NIPBL: variants seen among roughly 807,000 people sequenced by gnomAD.
NIPBL encodes NIPBL cohesin loading factor, also known as nipped-B-like protein.
Under a neutral mutation model 321.8 loss-of-function variants are expected in NIPBL, and 19 were observed. The ratio of observed to expected loss-of-function variants is 0.06; its 90% CI spans 0.04 to 0.09. NIPBL has a LOEUF of 0.09. Among genes scored for constraint, NIPBL ranks in the 10% least tolerant of loss-of-function variants. The pLI is 1.00. For synonymous variants in NIPBL, 1,106 were observed against 1,114.1 expected, an observed-to-expected ratio of 0.99 and a Z score of 0.14; for missense variants, 2,210 against 3,327.0, an observed-to-expected ratio of 0.66 and a Z score of 8.26.
intron 14 of NIPBL, 44 bp from the exon 15 acceptor site, chr5:37,002,618 A>G: frequency 3.1e-6 from 4 of 1,280,306 alleles, no homozygotes; most frequent in African/African-American, 1.5e-5. Context: ...GAACTATTTT[A>G]TTTACCTAAA....
chr5:36,882,284 C>G (rs1745563849), intron 1 of NIPBL, among the ~76,000 whole-genome samples: 1 of 151,726 alleles, frequency 6.6e-6, no homozygotes, highest in Non-Finnish European at 1.5e-5. Context: ...GTGTCTGGCA[C>G]TATGTTGAGT....
intron 4 of NIPBL, among the ~76,000 whole-genome samples, chr5:36,960,476 A>G (rs1262089787): frequency 6.6e-6 from 1 of 152,188 alleles, no homozygotes; most frequent in East Asian, 1.9e-4. Flanking sequence ...GAAAAGTCAG[A>G]AGTTGAAATT....
chr5:36,951,051 TCAA>T lies in NIPBL; in HGVS notation c.-79-2565_-79-2563del, dbSNP rs567171379. Among the ~76,000 whole-genome samples the T allele has an allele frequency of 2.1e-3, 316 of 152,322 alleles. 2 individuals carry two copies. The highest frequency in any genetic ancestry group is 7.4e-3 in the African/African-American group (308 of 41,584). ...GATCAAATATTTTTGTCAGTAATCA[TCAA>T]CGTGTAATTAAAGCACTTTAAACCA... On this transcript the variant is annotated intron_variant, in intron 1 of 46. Coordinates refer to ENST00000282516, the MANE Select transcript of NIPBL (RefSeq NM_133433.4).
chr5:36,915,841 T>C (rs1280404349), intron 1 of NIPBL, among the ~76,000 whole-genome samples: 1 of 152,162 alleles, frequency 6.6e-6, no homozygotes, highest in Non-Finnish European at 1.5e-5. Flanking sequence ...TGATGCCAAC[T>C]GAACATACCA....
At chr5:36,962,306 T>C in intron 6 of NIPBL, 32 bp downstream of exon 6, 1 of 1,611,702 alleles carries the variant, frequency 6.2e-7, no homozygotes, top group African/African-American at 1.3e-5. Context: ...TCACTGGGAA[T>C]GTCTAAGTGC....
intron 1 of NIPBL, among the ~76,000 whole-genome samples, chr5:36,913,515 A>T (rs975770350): frequency 6.6e-6 from 1 of 151,472 alleles, no homozygotes; most frequent in African/African-American, 2.4e-5. Flanking sequence ...TCAGCCTCCT[A>T]AATACTTGGG....
Position 37,010,080 on chromosome 5 carries a change from A to G in NIPBL, c.4422-7A>G. 1 of 1,608,068 alleles carries G rather than the reference A, an allele frequency of 6.2e-7. No individual in the cohort carries two copies. Among genetic ancestry groups the G allele is most frequent in the East Asian group, 2.2e-5 (1 of 44,698 alleles). ...TACTCCATACAAATTTTTTTTCTTCATTAAAGGTTAAACAGTAGTGATATG... is the reference window on the plus strand; with the variant it reads ...TACTCCATACAAATTTTTTTTCTTCGTTAAAGGTTAAACAGTAGTGATATG... On this transcript the variant is annotated splice_region_variant and splice_polypyrimidine_tract_variant and intron_variant, in intron 20 of 46. Coordinates refer to ENST00000282516, the MANE Select transcript of NIPBL (RefSeq NM_133433.4).
At chr5:36,880,089 G>A (rs538140231) in intron 1 of NIPBL, among the ~76,000 whole-genome samples, 2 of 151,914 alleles carry the variant, frequency 1.3e-5, no homozygotes, top group African/African-American at 2.4e-5. Flanking sequence ...TACTATGGCA[G>A]TAAACTTGGT....
intron 4 of NIPBL, among the ~76,000 whole-genome samples, 167 bp downstream of exon 4, chr5:36,958,398 G>A (rs1254887366): frequency 6.6e-6 from 1 of 152,152 alleles, no homozygotes; most frequent in Non-Finnish European, 1.5e-5. Flanking sequence ...AGTTTAATAT[G>A]TAACTAAATT....
rs1479472384 is a variant in NIPBL at position 37,010,174 on chromosome 5, C to T, written c.4509C>T (p.His1503=). The T allele has an allele frequency of 6.2e-7, 1 of 1,610,822 alleles. No individual in the cohort carries two copies. Reference sequence around the variant, plus strand: ...TACAACTTATTCAGTGTGTGGTACACTTACCATCATCAGAGAAGGACTCTA... The same window carrying T: ...TACAACTTATTCAGTGTGTGGTACATTTACCATCATCAGAGAAGGACTCTA... The part of the protein sequence containing the change: ...LVLQLIQCVV[H]LPSSEKDSNA... Residue 1503 remains histidine, a synonymous_variant, in exon 21 of 47, where the codon CAC becomes CAT. Transcript: ENST00000282516.
intron 1 of NIPBL, chr5:36,886,209 A>G (rs939807037): frequency 6.1e-6 from 4 of 653,490 alleles, no homozygotes; most frequent in African/African-American, 5.4e-5. Context: ...CCCTGCAGGT[A>G]GAGCAGCTCA....
chr5:37,025,915 C>G (rs1203128482), intron 30 of NIPBL, among the ~76,000 whole-genome samples: 1 of 151,854 alleles, frequency 6.6e-6, no homozygotes, highest in Non-Finnish European at 1.5e-5. Flanking sequence ...ACTGTAACAA[C>G]TTCTTCTCCA....
At position 36,976,336 on chromosome 5, in the gene NIPBL, A is replaced by G; in HGVS notation, c.1429A>G (p.Ile477Val). 6.2e-7 allele frequency: 1 copy of G among 1,613,030 alleles called. No individual in the cohort carries two copies. Among genetic ancestry groups the G allele is most frequent in the Non-Finnish European group, 8.5e-7 (1 of 1,179,826 alleles). ...AGTGGAATTGGATGCATTGGCTGAA[A>G]TTGAGCGAATAGAGAGAGAATCAGC... is the stretch of plus-strand genomic sequence containing the variant. Reference protein sequence around the residue: ...DEVELDALAEIERIERESAIE... With the variant: ...DEVELDALAEVERIERESAIE... The change falls in exon 9 of 47, where the codon ATT becomes GTT. Residue 477 changes from isoleucine to valine, a missense_variant. Physicochemically the swap from Ile to Val is conservative, Grantham distance 29 (BLOSUM62 3). Around this residue, in one of 14 missense-constraint regions of NIPBL, gnomAD observed 464 missense variants for 529.5 expected, o/e 0.88. Coordinates refer to ENST00000282516, the MANE Select transcript of NIPBL (RefSeq NM_133433.4).
chr5:36,992,719 TTTA>T lies in NIPBL; in HGVS notation c.3122-2900_3122-2898del, dbSNP rs1258560829. ...ATGGGAAAGTCATGCATTTTATTTA[TTTA>T]TTTATTTATTTATTTATTTATTTAT... On this transcript the variant is annotated intron_variant, in intron 10 of 46. Coordinates refer to ENST00000282516, the MANE Select transcript of NIPBL (RefSeq NM_133433.4). Among the ~76,000 whole-genome samples, 131 of 117,460 alleles carry T rather than the reference TTTA, an allele frequency of 1.1e-3. 1 individual carries two copies. Among genetic ancestry groups the T allele is most frequent in the African/African-American group, 4.6e-3 (127 of 27,736 alleles). The allele number at this position is 117,460 out of a possible 152,430, so 77.1% of individuals were successfully genotyped here.
In NIPBL at chr5:37,064,417, G is replaced by A. The variant is rs867257527; in HGVS notation, c.8050-110G>A. 1.0e-4 allele frequency: 163 copies of A among 1,561,794 alleles called. 1 individual carries two copies. In the Middle Eastern group the frequency reaches 1.6e-3, roughly 15 times the overall value. On this transcript the variant is annotated intron_variant, in intron 46 of 46. Coordinates refer to ENST00000282516, the MANE Select transcript of NIPBL (RefSeq NM_133433.4). The stretch of plus-strand genomic sequence containing the variant: ...TCATTGCCGGCAATGGAAGTGTGCC[G>A]GGAAATCCCAACTCCCGGCGTCAAG...
intron 24 of NIPBL, among the ~76,000 whole-genome samples, chr5:37,017,939 A>G (rs1169741874): frequency 6.6e-6 from 1 of 152,068 alleles, no homozygotes; most frequent in East Asian, 1.9e-4. Context: ...GTGTCTGTAT[A>G]TGCATTTTTT....
chr5:36,961,412 T>G, intron 4 of NIPBL, 72 bp from the exon 5 acceptor site: 1 of 919,070 alleles, frequency 1.1e-6, no homozygotes, highest in Admixed American at 1.7e-5. Flanking sequence ...AAAGAATAAC[T>G]GATTTCAGTT....
intron 1 of NIPBL, among the ~76,000 whole-genome samples, chr5:36,923,593 A>G (rs768877472): frequency 7.2e-5 from 11 of 152,098 alleles, no homozygotes; most frequent in Non-Finnish European, 1.6e-4. Flanking sequence ...TTACTTTACA[A>G]TTTAGTTATT....
intron 1 of NIPBL, among the ~76,000 whole-genome samples, chr5:36,889,831 CTG>C (rs1746183385): frequency 6.6e-6 from 1 of 151,506 alleles, no homozygotes; most frequent in African/African-American, 2.4e-5. Flanking sequence ...TAAGCTTAAA[CTG>C]TGGAATTTAG....
Sources: gnomAD v4.1 joint callset for allele counts (sites outside exome capture counted in the v4.1 genomes callset) on GRCh38, gnomAD v4.1.1 for gene constraint, gnomAD v4.1.1 regional missense constraint, MANE v1.5 for transcripts, NCBI Gene and HGNC (gene_info 2026-07-23, HGNC 2026-07-21) for gene names.